Variants in LMCD1 observed in about 807,000 individuals in gnomAD.
The protein encoded by LMCD1 is LIM and cysteine rich domains 1.
Under a neutral mutation model 42.7 loss-of-function variants are expected in LMCD1, and 32 were observed. The ratio of observed to expected loss-of-function variants is 0.75; its 90% CI spans 0.57 to 1.01. LMCD1 has a LOEUF of 1.01. Among genes scored for constraint, LMCD1 ranks in the 50% least tolerant of loss-of-function variants. The pLI is 0.00. For synonymous variants in LMCD1, 178 were observed against 184.9 expected (o/e 0.96, Z 0.30); for missense variants, 458 against 483.1 (o/e 0.95, Z 0.49).
At chr3:8,565,245 G>A (rs141684425) in intron 4 of LMCD1, among the ~76,000 whole-genome samples, 187 bp from the exon 5 acceptor site, 188 of 152,234 alleles carry the variant, frequency 1.2e-3, no homozygotes, top group African/African-American at 4.5e-3. Flanking sequence ...TTTAGTCCTC[G>A]TGAATAGCCT....
chr3:8,537,995 A>G (rs1419878512), intron 3 of LMCD1, among the ~76,000 whole-genome samples: 1 of 152,198 alleles, frequency 6.6e-6, no homozygotes, highest in African/African-American at 2.4e-5. Flanking sequence ...GAAAGGACAC[A>G]GGTCCAGAGA....
rs77227152 is a variant in LMCD1, at chr3:8,510,953, C to T, written c.42+8973C>T. Reference sequence around the variant, plus strand: ...TACACGCCACACACACACAAATATACACATCTATGCATAGGTAAACATATA... The same window carrying T: ...TACACGCCACACACACACAAATATATACATCTATGCATAGGTAAACATATA... On this transcript the variant is annotated intron_variant, in intron 1 of 5. Transcript: ENST00000157600. 5.9e-3 allele frequency among the ~76,000 whole-genome samples: 896 copies of T among 152,302 alleles called. 10 individuals carry two copies. Among genetic ancestry groups the T allele is most frequent in the South Asian group, 1.0e-2 (48 of 4,822 alleles).
At chr3:8,546,499 G>A (rs540686903) in intron 3 of LMCD1, among the ~76,000 whole-genome samples, 40 of 152,278 alleles carry the variant, frequency 2.6e-4, no homozygotes, top group African/African-American at 9.4e-4. Context: ...GAGACGGCAT[G>A]ACATGGCCAC....
At chr3:8,560,225 C>A (rs1050425126) in intron 4 of LMCD1, among the ~76,000 whole-genome samples, 4 of 143,416 alleles carry the variant, frequency 2.8e-5, no homozygotes, top group Non-Finnish European at 6.1e-5. Flanking sequence ...CATAGTGGGA[C>A]CCCATCTCTA....
chr3:8,546,904 G>A (rs375134677), intron 3 of LMCD1, among the ~76,000 whole-genome samples: 9 of 152,292 alleles, frequency 5.9e-5, no homozygotes, highest in South Asian at 2.1e-4. Context: ...ACTGGCTACC[G>A]TCTAGCAAAT....
chr3:8,513,991 C>T (rs1016002617), intron 1 of LMCD1, among the ~76,000 whole-genome samples: 6 of 152,036 alleles, frequency 3.9e-5, no homozygotes, highest in Non-Finnish European at 7.3e-5. Flanking sequence ...ACCAAGTCTC[C>T]CTGAAGGTGG....
chr3:8,545,519 A>G lies in LMCD1; in HGVS notation c.388-3049A>G, dbSNP rs1359404991. Among the ~76,000 whole-genome samples, 3 of 152,312 alleles carry G rather than the reference A, an allele frequency of 2.0e-5. No homozygotes were observed. The East Asian group carries it at 5.8e-4, about 29-fold the overall frequency. On this transcript the variant is annotated intron_variant, in intron 3 of 5. Coordinates refer to ENST00000157600, the MANE Select transcript of LMCD1 (RefSeq NM_014583.4). ...CTGGCCTTTCCTCAGATCTCTGTCC[A>G]GTGCTCGAGAATCCCAGTTGTTTAT...
intron 1 of LMCD1, among the ~76,000 whole-genome samples, 163 bp downstream of exon 1, chr3:8,502,143 C>T (rs1461919172): frequency 4.7e-5 from 7 of 147,508 alleles, no homozygotes; most frequent in Non-Finnish European, 8.9e-5. Context: ...AGCTAACAGG[C>T]ACACACACCC....
intron 2 of LMCD1, among the ~76,000 whole-genome samples, chr3:8,535,237 G>A (rs568849481): frequency 6.6e-6 from 1 of 152,202 alleles, no homozygotes; most frequent in Admixed American, 6.5e-5. Context: ...CTCATGCCTG[G>A]CTCTGAAAAT....
chr3:8,565,103 C>A (rs1345598233), intron 4 of LMCD1, among the ~76,000 whole-genome samples: 1 of 152,064 alleles, frequency 6.6e-6, no homozygotes, highest in Non-Finnish European at 1.5e-5. Context: ...GTTTTAATTT[C>A]TCTTATGGTA....
chr3:8,514,590 G>A (rs947744731), intron 1 of LMCD1, among the ~76,000 whole-genome samples: 2 of 152,102 alleles, frequency 1.3e-5, no homozygotes, highest in African/African-American at 4.8e-5. Context: ...ATTCATTATA[G>A]CCCCAAACTG....
At chr3:8,537,932 A>G (rs181083153) in intron 3 of LMCD1, among the ~76,000 whole-genome samples, 1 of 152,288 alleles carries the variant, frequency 6.6e-6, no homozygotes, top group Admixed American at 6.5e-5. Flanking sequence ...ACCTTGAACA[A>G]AAGCAACCAG....
At chr3:8,520,693 G>GA (rs1359285951) in intron 1 of LMCD1, among the ~76,000 whole-genome samples, 7 of 152,168 alleles carry the variant, frequency 4.6e-5, no homozygotes, top group Non-Finnish European at 1.0e-4. Flanking sequence ...AACTCCAAGA[G>GA]AAAAAACAAT....
chr3:8,557,332 A>G (rs899863999), intron 4 of LMCD1, among the ~76,000 whole-genome samples: 2 of 152,248 alleles, frequency 1.3e-5, no homozygotes, highest in African/African-American at 4.8e-5. Context: ...TGCTGTTTAT[A>G]AACAAATTGT....
intron 1 of LMCD1, among the ~76,000 whole-genome samples, chr3:8,512,299 C>G (rs564293808): frequency 6.6e-6 from 1 of 152,320 alleles, no homozygotes; most frequent in African/African-American, 2.4e-5. Flanking sequence ...AAATATCTGA[C>G]TTGGTCTGAA....
chr3:8,552,051 C>G (rs1694851507), intron 4 of LMCD1, among the ~76,000 whole-genome samples: 1 of 152,218 alleles, frequency 6.6e-6, no homozygotes, highest in Non-Finnish European at 1.5e-5. Flanking sequence ...GAGACATGAA[C>G]ATACGGGAAC....
intron 1 of LMCD1, among the ~76,000 whole-genome samples, chr3:8,515,660 G>A (rs1694084358): frequency 6.6e-6 from 1 of 152,220 alleles, no homozygotes; most frequent in Non-Finnish European, 1.5e-5. Context: ...ATAGAAAAGG[G>A]AGTGGGATGG....
At chr3:8,534,863 C>T (rs1435345223) in intron 2 of LMCD1, among the ~76,000 whole-genome samples, 1 of 152,136 alleles carries the variant, frequency 6.6e-6, no homozygotes. Context: ...TAGAAATGTG[C>T]CTGGCCACAT....
chr3:8,517,150 G>A (rs73127968), intron 1 of LMCD1, among the ~76,000 whole-genome samples: 7,048 of 152,238 alleles, frequency 0.046, 286 homozygotes, highest in African/African-American at 0.1. Flanking sequence ...AGGATCCCTT[G>A]TATGAAAATC....
Sources: gnomAD v4.1 joint callset for allele counts (sites outside exome capture counted in the v4.1 genomes callset) on GRCh38, gnomAD v4.1.1 for gene constraint, MANE v1.5 for transcripts, NCBI Gene and HGNC (gene_info 2026-07-23, HGNC 2026-07-21) for gene names.